The following ZBTB38 variants were observed in gnomAD, a reference collection of about 807,000 sequenced individuals.
The protein encoded by ZBTB38 is zinc finger and BTB domain containing 38, also known as zinc finger and BTB domain-containing protein 38.
In ZBTB38, 20 loss-of-function variants were observed where a neutral mutation model predicts 76.8. The observed-to-expected ratio is 0.26, with a 90% CI of 0.18 to 0.38. The LOEUF is 0.38. Ranked by LOEUF, ZBTB38 falls within the 10% of genes least tolerant of loss-of-function variation. The probability of loss-of-function intolerance (pLI) is 1.00; values close to 1 mark genes in which losing one functional copy is unlikely to be tolerated. For missense variants in ZBTB38, 1,082 were observed against 1,482.3 expected, an observed-to-expected ratio of 0.73 and a Z score of 4.43; for synonymous variants, 504 against 544.2, an observed-to-expected ratio of 0.93 and a Z score of 1.03.
intron 5 of ZBTB38, among the ~76,000 whole-genome samples, chr3:141,441,649 C>G (rs533022869): frequency 8.7e-4 from 132 of 152,316 alleles, no homozygotes; most frequent in Admixed American, 1.4e-3. Flanking sequence ...TCCTTCAGTT[C>G]TTGCTTCTTC....
chr3:141,422,893 T>A (rs1398960910), intron 5 of ZBTB38, among the ~76,000 whole-genome samples: 1 of 152,268 alleles, frequency 6.6e-6, no homozygotes, highest in Non-Finnish European at 1.5e-5. Context: ...TTTTATATAA[T>A]TCTTTGAAAG....
In ZBTB38 at chr3:141,402,244, G is replaced by C. The variant is rs1040384854; in HGVS notation, c.-105-1683G>C. The C allele has an allele frequency of 2.6e-5, 4 of 152,128 alleles. No homozygotes were observed. In the East Asian group the frequency reaches 5.8e-4, roughly 22 times the overall value. The allele number at this position is 152,128 out of a possible 1,614,324, so 9.4% of individuals were successfully genotyped here. ...TTGGCGCCGCAGTTACCCCAGCCCC[G>C]GGCCCGCGGGGCTGCGGGTCGGGCC... On this transcript the variant is annotated intron_variant, in intron 4 of 5. Transcript: ENST00000321464.
Position 141,445,885 on chromosome 3 carries a change from C to G in ZBTB38, c.3497C>G (p.Ser1166Ter), listed in dbSNP as rs565202072. The change falls in exon 6 of 6, where the codon TCA (serine) becomes TGA (stop). Residue 1166 changes from serine to a stop codon, truncating the protein, a stop_gained. Transcript: ENST00000321464. LOFTEE classifies it high-confidence loss of function. This position sits in a 1 kb window ranked among gnomAD's most constrained non-coding sequence, Gnocchi z 6.5. ...EKIGDVCHEN[S>*]NPLENQHFIG... ...ATAGGTGACGTGTGCCACGAAAACT[C>G]AAATCCCTTGGAGAATCAACATTTC... 2 of 1,611,344 alleles carry G rather than the reference C, an allele frequency of 1.2e-6. No homozygotes were observed. The highest frequency in any genetic ancestry group is 1.3e-5 in the African/African-American group (1 of 74,938).
chr3:141,392,471 T>C (rs762215778), intron 4 of ZBTB38, among the ~76,000 whole-genome samples: 1 of 152,246 alleles, frequency 6.6e-6, no homozygotes, highest in Non-Finnish European at 1.5e-5. Flanking sequence ...GTATCCTCCC[T>C]GTTCCAGGAA....
chr3:141,356,733 C>T (rs1943674088), intron 1 of ZBTB38, among the ~76,000 whole-genome samples: 1 of 152,218 alleles, frequency 6.6e-6, no homozygotes, highest in African/African-American at 2.4e-5. Context: ...TAAATTCTCA[C>T]TTAAAGTGTT....
rs2081190709 is a variant in ZBTB38, at chr3:141,447,553, A to T, written c.*1577A>T. ...TAGAAGGGAGAGAGAAAACATTTCTACCCTTTGATCACCAGTGTGAACAGA... is the reference window on the plus strand; with the variant it reads ...TAGAAGGGAGAGAGAAAACATTTCTTCCCTTTGATCACCAGTGTGAACAGA... On this transcript the variant is annotated 3_prime_UTR_variant, in exon 6 of 6. Transcript: ENST00000321464. The T allele has an allele frequency of 6.6e-6, 1 of 152,582 alleles. No individual in the cohort carries two copies. The highest frequency in any genetic ancestry group is 2.4e-5 in the African/African-American group (1 of 41,426). The allele number at this position is 152,582 out of a possible 1,614,324, so 9.5% of individuals were successfully genotyped here.
chr3:141,436,900 C>T (rs182578270), intron 5 of ZBTB38, among the ~76,000 whole-genome samples: 135 of 152,234 alleles, frequency 8.9e-4, no homozygotes, highest in African/African-American at 2.8e-3. Flanking sequence ...CTGTGGGGAC[C>T]GGATTTGCTG....
rs995128499 is a variant in ZBTB38, at chr3:141,444,033, A to G, written c.1645A>G (p.Lys549Glu). 1 of 1,614,140 alleles carries G rather than the reference A, an allele frequency of 6.2e-7. No individual in the cohort carries two copies. Residue 549 changes from lysine to glutamate, a missense_variant, in exon 6 of 6, where the codon AAA becomes GAA. Lys to Glu is a moderately conservative substitution (Grantham distance 56). This residue lies in a region of ZBTB38 where 60 missense variants were observed against 126.0 expected (regional missense o/e 0.48). Coordinates refer to ENST00000321464, the MANE Select transcript of ZBTB38 (RefSeq NM_001376113.1). The surrounding 1 kb of genome is among the most constrained non-coding windows in gnomAD (Gnocchi z 5.1). ...HAIDHRLSIS[K>E]KTANGGLKPS... ...CATCGATCATAGACTTTCCATCAGT[A>G]AAAAAACAGCAAATGGAGGCTTGAA...
At chr3:141,385,033 A>G (rs751613061) in intron 3 of ZBTB38, among the ~76,000 whole-genome samples, 3 of 152,220 alleles carry the variant, frequency 2.0e-5, no homozygotes, top group Non-Finnish European at 4.4e-5. Flanking sequence ...TGTGAAACCT[A>G]GTACCTCAGC....
chr3:141,378,545 A>T (rs1344266537), intron 2 of ZBTB38, among the ~76,000 whole-genome samples: 1 of 152,236 alleles, frequency 6.6e-6, no homozygotes, highest in African/African-American at 2.4e-5. Flanking sequence ...GTCTTATGCT[A>T]TTTCACAAAA....
At chr3:141,361,132 TTAAA>T (rs892837650) in intron 1 of ZBTB38, among the ~76,000 whole-genome samples, 2 of 152,208 alleles carry the variant, frequency 1.3e-5, no homozygotes, top group Admixed American at 6.5e-5. Context: ...CGCCCCAGCC[TTAAA>T]TAAATAGTCT....
intron 5 of ZBTB38, among the ~76,000 whole-genome samples, chr3:141,433,091 TG>T (rs2077967608): frequency 6.6e-6 from 1 of 152,210 alleles, no homozygotes; most frequent in African/African-American, 2.4e-5. Context: ...AGGACAGGTA[TG>T]GAGAGTATGC....
intron 1 of ZBTB38, among the ~76,000 whole-genome samples, chr3:141,356,547 C>T (rs1943669915): frequency 6.6e-6 from 1 of 152,140 alleles, no homozygotes; most frequent in South Asian, 2.1e-4. Context: ...ATGAAAGCCT[C>T]ACCAAGCATC....
At chr3:141,423,983 G>C (rs2075922950) in intron 5 of ZBTB38, among the ~76,000 whole-genome samples, 1 of 152,172 alleles carries the variant, frequency 6.6e-6, no homozygotes, top group Admixed American at 6.5e-5. Flanking sequence ...TGCAGGAGAG[G>C]CTTCTTTAGG....
intron 2 of ZBTB38, among the ~76,000 whole-genome samples, chr3:141,377,037 C>A (rs544190936): frequency 6.6e-6 from 1 of 152,320 alleles, no homozygotes; most frequent in African/African-American, 2.4e-5. Context: ...ACAGGAAGAC[C>A]CTGGCCCAGG....
At chr3:141,440,304 T>A (rs546752258) in intron 5 of ZBTB38, among the ~76,000 whole-genome samples, 1 of 152,202 alleles carries the variant, frequency 6.6e-6, no homozygotes, top group South Asian at 2.1e-4. Context: ...AATTGAAGAA[T>A]TTGTTAGTAG....
chr3:141,440,239 CTTT>C (rs2079815957), intron 5 of ZBTB38, among the ~76,000 whole-genome samples: 1 of 152,184 alleles, frequency 6.6e-6, no homozygotes, highest in Non-Finnish European at 1.5e-5. Flanking sequence ...TTCTGAGCTT[CTTT>C]GTCTTGAGAA....
At chr3:141,437,900 T>C (rs2079144405) in intron 5 of ZBTB38, among the ~76,000 whole-genome samples, 1 of 152,146 alleles carries the variant, frequency 6.6e-6, no homozygotes, top group Admixed American at 6.5e-5. Flanking sequence ...TTTTTTCTTT[T>C]TCTTTTTCTT....
At chr3:141,395,311 G>T (rs1950104095) in intron 4 of ZBTB38, among the ~76,000 whole-genome samples, 2 of 151,918 alleles carry the variant, frequency 1.3e-5, no homozygotes, top group Admixed American at 6.5e-5. Context: ...AGAGGGGACT[G>T]CTTTATCATT....
Sources: gnomAD v4.1 joint callset for allele counts (sites outside exome capture counted in the v4.1 genomes callset) on GRCh38, gnomAD v4.1.1 for gene constraint, gnomAD v4.1.1 regional missense constraint, Gnocchi (gnomAD v3.1) non-coding constraint, MANE v1.5 for transcripts, NCBI Gene and HGNC (gene_info 2026-07-23, HGNC 2026-07-21) for gene names.